TRNT1: variants seen among roughly 807,000 people sequenced by gnomAD.
TRNT1 encodes CCA tRNA nucleotidyltransferase 1, mitochondrial.
A neutral mutation model predicts 45.6 loss-of-function variants in TRNT1; 44 were observed. The ratio of observed to expected loss-of-function variants is 0.97; its 90% CI spans 0.76 to 1.24. The LOEUF (loss-of-function observed/expected upper bound fraction) is 1.24, where lower values mean the gene tolerates loss of function less well. Among genes scored for constraint, TRNT1 ranks in the 50% most tolerant of loss-of-function variants. The pLI is 0.00. For missense variants in TRNT1, 633 were observed against 504.4 expected (o/e 1.25, Z -2.44); for synonymous variants, 201 against 171.4 (o/e 1.17, Z -1.35).
chr3:3,147,753 T>C (rs760551815), intron 7 of TRNT1, 50 bp downstream of exon 7: 3 of 1,543,170 alleles, frequency 1.9e-6, no homozygotes, highest in Non-Finnish European at 2.6e-6. Flanking sequence ...GTCACGAATT[T>C]AGAATTAATT....
At chr3:3,152,067 TCTTC>T (rs1706596872), downstream of TRNT1, among the ~76,000 whole-genome samples, 1 of 152,220 alleles carries the variant, frequency 6.6e-6, no homozygotes, top group Non-Finnish European at 1.5e-5. Context: ...GTCAACCTTT[TCTTC>T]CTTTCATTCA....
At chr3:3,130,023 C>G (rs535095258) in intron 2 of TRNT1, 6 of 1,344,144 alleles carry the variant, frequency 4.5e-6, no homozygotes, top group Non-Finnish European at 5.9e-6. Flanking sequence ...ATGGCTTTAG[C>G]TAAGTGCCAG....
Position 3,148,183 on chromosome 3 carries a change from T to G in TRNT1, c.*29T>G. On this transcript the variant is annotated 3_prime_UTR_variant, in exon 8 of 8. Coordinates refer to ENST00000251607, the MANE Select transcript of TRNT1 (RefSeq NM_182916.3). ...TGATGGCTACTAAAAAGCAGAGCATTTCTGGTAAGACTAAATTTTCTCCCC... is the reference window on the plus strand; with the variant it reads ...TGATGGCTACTAAAAAGCAGAGCATGTCTGGTAAGACTAAATTTTCTCCCC... 6.2e-7 allele frequency: 1 copy of G among 1,602,470 alleles called. No individual in the cohort carries two copies. The highest frequency in any genetic ancestry group is 8.5e-7 in the Non-Finnish European group (1 of 1,175,284).
At chr3:3,134,222 G>A (rs1400212645) in intron 2 of TRNT1, among the ~76,000 whole-genome samples, 2 of 152,152 alleles carry the variant, frequency 1.3e-5, no homozygotes, top group Non-Finnish European at 2.9e-5. Context: ...CTGTAAGATT[G>A]AAGATATCAG....
rs776254990 is a variant in TRNT1, at chr3:3,129,067, C to T, written c.27C>T (p.His9=). Residue 9 remains histidine (H), a synonymous_variant, in exon 2 of 8, where the codon CAC becomes CAT. Coordinates refer to ENST00000251607, the MANE Select transcript of TRNT1 (RefSeq NM_182916.3). ...TGCTGAGGTGCCTGTATCATTGGCA[C>T]AGGCCAGTGCTGAACCGTAGGTGGA... MLRCLYHW[H]RPVLNRRWSR... 1.2e-5 allele frequency: 19 copies of T among 1,612,060 alleles called. No individual in the cohort carries two copies. The highest frequency in any genetic ancestry group is 6.7e-5 in the Admixed American group (4 of 59,724).
intron 2 of TRNT1, chr3:3,131,487 G>C (rs1166990922): frequency 6.6e-6 from 1 of 151,924 alleles, no homozygotes; most frequent in African/African-American, 2.4e-5. Flanking sequence ...TATGTAGAAA[G>C]CTGAAACTGG....
Position 3,129,195 on chromosome 3 carries a change from G to T in TRNT1, c.148+7G>T, listed in dbSNP as rs917596740. ...GGACTGAAGAGTCTGACAGGTGAGAGATTAGGATACCTTTTCTTGATTGGA... is the reference window on the plus strand; with the variant it reads ...GGACTGAAGAGTCTGACAGGTGAGATATTAGGATACCTTTTCTTGATTGGA... On this transcript the variant is annotated splice_region_variant and intron_variant, in intron 2 of 7. Transcript: ENST00000251607. 6.2e-7 allele frequency: 1 copy of T among 1,613,534 alleles called. No individual in the cohort carries two copies. The highest frequency in any genetic ancestry group is 1.1e-5 in the South Asian group (1 of 91,034).
chr3:3,134,715 CTTTT>C (rs199932775), intron 2 of TRNT1, among the ~76,000 whole-genome samples: 1 of 151,796 alleles, frequency 6.6e-6, no homozygotes, highest in Admixed American at 6.6e-5. Flanking sequence ...TGAAGTCATT[CTTTT>C]TTTTAATAGT....
At chr3:3,152,579 A>G, downstream of TRNT1, 1 of 1,614,100 alleles carries the variant, frequency 6.2e-7, no homozygotes. Context: ...CGGCCCACAT[A>G]AGGATAAACT....
At chr3:3,127,481 G>T (rs1217156590) in intron 1 of TRNT1, 1 of 152,356 alleles carries the variant, frequency 6.6e-6, no homozygotes, top group Non-Finnish European at 1.5e-5. Context: ...AGCTGCTGCG[G>T]CCTCCTTATG....
At chr3:3,143,702 AC>A (rs34785050) in intron 4 of TRNT1, among the ~76,000 whole-genome samples, 78,769 of 151,982 alleles carry the variant, frequency 0.52, 22,294 homozygotes, top group Middle Eastern at 0.71. Flanking sequence ...ACTTGCCGAA[AC>A]CCTGTCTCTA....
At chr3:3,136,729 A>G (rs1229855808) in intron 2 of TRNT1, 2 of 404,866 alleles carry the variant, frequency 4.9e-6, no homozygotes, top group Middle Eastern at 9.0e-4. Context: ...ATCATAGCTC[A>G]CCGCAGCCTT....
At chr3:3,133,795 A>ACAGATGGT (rs1559217415) in intron 2 of TRNT1, among the ~76,000 whole-genome samples, 1 of 152,018 alleles carries the variant, frequency 6.6e-6, no homozygotes, top group Non-Finnish European at 1.5e-5. Context: ...AGCTCTTAGA[A>ACAGATGGT]CAGATGGTCT....
chr3:3,129,489 A>T, intron 2 of TRNT1: 1 of 396,056 alleles, frequency 2.5e-6, no homozygotes, highest in Non-Finnish European at 4.7e-6. Flanking sequence ...GGGGAGGCCA[A>T]GGTAGGAGGA....
chr3:3,148,140 A>G lies in TRNT1; in HGVS notation c.1291A>G (p.Ile431Val), dbSNP rs142642881. 378 of 1,613,244 alleles carry G rather than the reference A, an allele frequency of 2.3e-4. No homozygotes were observed. Among genetic ancestry groups the G allele is most frequent in the Non-Finnish European group, 3.1e-4 (367 of 1,179,664 alleles). The change falls in exon 8 of 8, where the codon ATA becomes GTA. Residue 431 changes from isoleucine (I) to valine (V), a missense_variant. Physicochemically the swap from Ile to Val is conservative, Grantham distance 29 (BLOSUM62 3). Transcript: ENST00000251607. ...QMEKDELLSY[I>V]KKT ...GGAAAAAGATGAACTTCTGAGTTAC[A>G]TAAAGAAGACCTAAAACTGATGGCT...
downstream of TRNT1, chr3:3,152,848 A>G: frequency 4.0e-6 from 2 of 500,514 alleles, no homozygotes; most frequent in East Asian, 7.5e-5. Flanking sequence ...ACCCTCCTCA[A>G]GACAGACATT....
At chr3:3,127,763 CCT>C (rs1421279575) in intron 1 of TRNT1, 4 of 152,186 alleles carry the variant, frequency 2.6e-5, no homozygotes, top group South Asian at 4.2e-4. Flanking sequence ...ACCCCGCATC[CCT>C]CTCATACTGC....
chr3:3,140,939 G>A (rs893658363), intron 4 of TRNT1, among the ~76,000 whole-genome samples: 4 of 152,162 alleles, frequency 2.6e-5, no homozygotes, highest in Admixed American at 1.3e-4. Context: ...AAAATTAGCC[G>A]GGCGTGGTGG....
chr3:3,127,736 C>G (rs1238627640), intron 1 of TRNT1: 1 of 152,304 alleles, frequency 6.6e-6, no homozygotes, highest in Admixed American at 6.5e-5. Flanking sequence ...ACCAGAAACT[C>G]GGTTAGAGTT....
Sources: gnomAD v4.1 joint callset for allele counts (sites outside exome capture counted in the v4.1 genomes callset) on GRCh38, gnomAD v4.1.1 for gene constraint, MANE v1.5 for transcripts, NCBI Gene and HGNC (gene_info 2026-07-23, HGNC 2026-07-21) for gene names.